Variants in CHCHD3 observed in about 807,000 individuals in gnomAD.
The protein encoded by CHCHD3 is coiled-coil-helix-coiled-coil-helix domain containing 3.
A neutral mutation model predicts 38.2 loss-of-function variants in CHCHD3; 20 were observed. That is an observed-to-expected ratio of 0.52 (90% CI 0.37 to 0.76). The LOEUF (loss-of-function observed/expected upper bound fraction) is 0.76. Ranked by LOEUF, CHCHD3 falls within the 30% of genes least tolerant of loss-of-function variation. The pLI is 0.00. For synonymous variants in CHCHD3, 82 were observed against 100.0 expected (o/e 0.82, Z 1.07); for missense variants, 245 against 279.2 (o/e 0.88, Z 0.87).
intron 4 of CHCHD3, among the ~76,000 whole-genome samples, chr7:132,888,726 T>C (rs1047780301): frequency 4.6e-5 from 7 of 152,014 alleles, no homozygotes; most frequent in African/African-American, 1.7e-4. Context: ...GATCCAGCCA[T>C]ATAATCAAAC....
intron 3 of CHCHD3, among the ~76,000 whole-genome samples, chr7:133,010,097 G>A (rs533756467): frequency 9.8e-5 from 15 of 152,302 alleles, no homozygotes; most frequent in African/African-American, 2.2e-4. Flanking sequence ...TGAAATGTTG[G>A]GAACGGGCTT....
At chr7:133,065,101 G>GA (rs1221708676) in intron 2 of CHCHD3, among the ~76,000 whole-genome samples, 2 of 152,026 alleles carry the variant, frequency 1.3e-5, no homozygotes, top group Admixed American at 6.5e-5. Context: ...GTCAGCCTAA[G>GA]AAAAAAATTA....
At chr7:132,810,486 G>A (rs961903316) in intron 6 of CHCHD3, among the ~76,000 whole-genome samples, 1 of 152,162 alleles carries the variant, frequency 6.6e-6, no homozygotes, top group Non-Finnish European at 1.5e-5. Flanking sequence ...ACAGAGGACA[G>A]GCAAGATTTA....
intron 5 of CHCHD3, among the ~76,000 whole-genome samples, chr7:132,846,176 CTG>C (rs1320965680): frequency 1.3e-5 from 2 of 152,198 alleles, no homozygotes; most frequent in East Asian, 3.9e-4. Context: ...TCAGTCTGGG[CTG>C]TGTTTGTGTC....
At chr7:132,934,573 C>T (rs1304952983) in intron 4 of CHCHD3, among the ~76,000 whole-genome samples, 1 of 152,196 alleles carries the variant, frequency 6.6e-6, no homozygotes, top group African/African-American at 2.4e-5. Flanking sequence ...AGAATACACA[C>T]TCCAAGAGAG....
chr7:133,017,306 T>C (rs1813056816), intron 3 of CHCHD3, among the ~76,000 whole-genome samples: 1 of 152,204 alleles, frequency 6.6e-6, no homozygotes, highest in African/African-American at 2.4e-5. Context: ...TCTAATCTAG[T>C]TCTGCTAACT....
intron 4 of CHCHD3, among the ~76,000 whole-genome samples, chr7:132,918,197 G>A (rs1810165199): frequency 6.6e-6 from 1 of 152,210 alleles, no homozygotes; most frequent in Non-Finnish European, 1.5e-5. Context: ...GAAAAGCCTT[G>A]AGTTGGCTGC....
At chr7:132,859,249 T>C (rs1045335922) in intron 5 of CHCHD3, among the ~76,000 whole-genome samples, 6 of 152,094 alleles carry the variant, frequency 3.9e-5, no homozygotes, top group Admixed American at 2.6e-4. Context: ...AAATTCTAAT[T>C]ATATATTTTA....
chr7:133,057,362 GA>G (rs1814372632), intron 2 of CHCHD3, among the ~76,000 whole-genome samples: 1 of 152,102 alleles, frequency 6.6e-6, no homozygotes, highest in African/African-American at 2.4e-5. Flanking sequence ...AGGAGTTTGA[GA>G]CCAGCCTGAG....
intron 4 of CHCHD3, among the ~76,000 whole-genome samples, chr7:132,894,057 G>A (rs187597231): frequency 1.5e-3 from 235 of 152,280 alleles, no homozygotes; most frequent in African/African-American, 5.4e-3. Context: ...AAAGACAGGA[G>A]GTTGTTGGAG....
At chr7:133,011,355 T>C (rs1812867887) in intron 3 of CHCHD3, among the ~76,000 whole-genome samples, 1 of 152,206 alleles carries the variant, frequency 6.6e-6, no homozygotes, top group African/African-American at 2.4e-5. Context: ...AAATAGAATG[T>C]GGCGGACAAG....
At chr7:132,805,758 G>A (rs1806903996) in intron 6 of CHCHD3, among the ~76,000 whole-genome samples, 1 of 152,188 alleles carries the variant, frequency 6.6e-6, no homozygotes, top group South Asian at 2.1e-4. Context: ...CTGATGAAGA[G>A]AATGATCCGG....
intron 5 of CHCHD3, among the ~76,000 whole-genome samples, chr7:132,879,247 T>C (rs1338769167): frequency 6.6e-6 from 1 of 152,096 alleles, no homozygotes; most frequent in Non-Finnish European, 1.5e-5. Flanking sequence ...AAATAAATTG[T>C]AAATGCAGTG....
intron 2 of CHCHD3, among the ~76,000 whole-genome samples, chr7:133,039,680 G>A (rs1813775664): frequency 6.6e-6 from 1 of 152,178 alleles, no homozygotes; most frequent in Non-Finnish European, 1.5e-5. Flanking sequence ...AAATAACACA[G>A]CAGAGGCTGC....
intron 4 of CHCHD3, among the ~76,000 whole-genome samples, chr7:132,940,888 C>A (rs570003841): frequency 1.3e-5 from 2 of 152,126 alleles, no homozygotes; most frequent in East Asian, 3.9e-4. Flanking sequence ...TTCCACCCGC[C>A]CTGTCAGTTT....
At chr7:132,951,067 T>C (rs1027797836) in intron 4 of CHCHD3, among the ~76,000 whole-genome samples, 2 of 152,180 alleles carry the variant, frequency 1.3e-5, no homozygotes, top group Non-Finnish European at 2.9e-5. Flanking sequence ...CAGCAAGAGT[T>C]TCTCTTTCTG....
chr7:132,992,035 G>A (rs1373107425), intron 3 of CHCHD3, among the ~76,000 whole-genome samples: 1 of 152,192 alleles, frequency 6.6e-6, no homozygotes, highest in East Asian at 1.9e-4. Flanking sequence ...TGGCGGGGAA[G>A]GCAAGGTCTC....
chr7:133,074,245 T>C (rs1466143633), intron 1 of CHCHD3, among the ~76,000 whole-genome samples: 2 of 152,190 alleles, frequency 1.3e-5, no homozygotes, highest in Non-Finnish European at 2.9e-5. Flanking sequence ...GTGAACTAAA[T>C]AGTCTATACC....
chr7:133,068,395 G>C lies in CHCHD3; in HGVS notation c.169+1747C>G, dbSNP rs141085779. Among the ~76,000 whole-genome samples, 551 of 152,326 alleles carry C rather than the reference G, an allele frequency of 3.6e-3. 3 individuals carry two copies. The highest frequency in any genetic ancestry group is 0.013 in the African/African-American group (530 of 41,566). ...TGAAGATAGCAGTCACAGTGAATAA[G>C]TAGAGGAAAGGTGATAGGAGATGAT... On this transcript the variant is annotated intron_variant, in intron 2 of 7. Transcript: ENST00000262570.
Sources: allele counts gnomAD v4.1 joint callset (sites outside exome capture counted in the v4.1 genomes callset), GRCh38; gene constraint gnomAD v4.1.1; transcripts MANE v1.5; gene names NCBI Gene and HGNC (gene_info 2026-07-23, HGNC 2026-07-21).